Variants in ASTN1 observed in about 807,000 individuals in gnomAD.
The protein encoded by ASTN1 is astrotactin 1, also known as astrotactin-1.
ASTN1 carries 41 observed loss-of-function variants against 140.7 expected under a neutral mutation model. The ratio of observed to expected loss-of-function variants is 0.29; its 90% CI spans 0.23 to 0.38. ASTN1 has a LOEUF of 0.38. Ranked by LOEUF, ASTN1 falls within the 10% of genes least tolerant of loss-of-function variation. The pLI, the probability that ASTN1 is intolerant of heterozygous loss-of-function variation, is 1.00. For synonymous variants in ASTN1, 640 were observed against 652.2 expected, an observed-to-expected ratio of 0.98 and a Z score of 0.29; for missense variants, 1,479 against 1,678.8, an observed-to-expected ratio of 0.88 and a Z score of 2.08.
chr1:176,988,910 A>T (rs1022593757), intron 8 of ASTN1, among the ~76,000 whole-genome samples: 5 of 152,172 alleles, frequency 3.3e-5, no homozygotes, highest in African/African-American at 1.2e-4. Flanking sequence ...GGCTAAAATG[A>T]TTGATTGTAA....
Position 176,862,988 on chromosome 1 carries a change from C to A in ASTN1, c.*1296G>T. On this transcript the variant is annotated 3_prime_UTR_variant, in exon 23 of 23. Coordinates refer to ENST00000361833, the MANE Select transcript of ASTN1 (RefSeq NM_004319.3). ...ACTGAGTTGTGTGGGACAGCTAAGG[C>A]CATTGCTAGTCAACAGGGCCTTGCC... The A allele has an allele frequency of 1.0e-6, 1 of 985,440 alleles. No individual in the cohort carries two copies. Among genetic ancestry groups the A allele is most frequent in the Non-Finnish European group, 1.2e-6 (1 of 829,944 alleles). 61.0% of individuals were successfully genotyped at this position (985,440 alleles called of 1,614,324 possible). A position where few individuals can be genotyped will look rare whatever the true frequency, so the allele number is the denominator to read the frequency against.
At chr1:176,890,530 A>T (rs1319639887) in intron 17 of ASTN1, among the ~76,000 whole-genome samples, 1 of 152,208 alleles carries the variant, frequency 6.6e-6, no homozygotes. Context: ...GCTGAAACAC[A>T]GAAGCCTTGT....
chr1:177,036,965 A>G (rs1461247929), intron 2 of ASTN1, among the ~76,000 whole-genome samples: 1 of 151,938 alleles, frequency 6.6e-6, no homozygotes, highest in East Asian at 1.9e-4. Flanking sequence ...GATTACAGGC[A>G]TGCACCACCA....
In ASTN1 at chr1:177,124,665, C is replaced by A. The variant is rs577513588; in HGVS notation, c.283+39729G>T. 6.8e-4 allele frequency among the ~76,000 whole-genome samples: 104 copies of A among 152,286 alleles called. 1 individual carries two copies. The highest frequency in any genetic ancestry group is 2.4e-3 in the African/African-American group (101 of 41,564). Reference sequence around the variant, plus strand: ...AGAAAAAACACAGGAACAGAAAATTCTCTTCTTAAAAATCAGGTAGGAGAT... The same window carrying A: ...AGAAAAAACACAGGAACAGAAAATTATCTTCTTAAAAATCAGGTAGGAGAT... On this transcript the variant is annotated intron_variant, in intron 1 of 22. Coordinates refer to ENST00000361833, the MANE Select transcript of ASTN1 (RefSeq NM_004319.3).
intron 1 of ASTN1, among the ~76,000 whole-genome samples, chr1:177,143,732 T>C (rs1302166477): frequency 6.6e-6 from 1 of 152,188 alleles, no homozygotes; most frequent in Non-Finnish European, 1.5e-5. Flanking sequence ...AATCATAGGT[T>C]TCATATGCCT....
chr1:176,917,517 C>T (rs770436977), intron 16 of ASTN1, among the ~76,000 whole-genome samples: 3 of 152,110 alleles, frequency 2.0e-5, no homozygotes, highest in Admixed American at 1.3e-4. Flanking sequence ...AAGACATGCC[C>T]GGGCAGTGGG....
At chr1:177,128,349 C>G (rs894494300) in intron 1 of ASTN1, among the ~76,000 whole-genome samples, 1 of 152,036 alleles carries the variant, frequency 6.6e-6, no homozygotes. Flanking sequence ...GTTCAAAGAC[C>G]CAAATTGCAT....
Position 177,114,520 on chromosome 1 carries a change from TC to T in ASTN1, c.283+49873del, listed in dbSNP as rs141283412. ...AAGTAATGTAGAATTATACCATGTATCCTTTACCCCATTTTTCCCAATGGAA... is the reference window on the plus strand; with the variant it reads ...AAGTAATGTAGAATTATACCATGTATCTTTACCCCATTTTTCCCAATGGAA... On this transcript the variant is annotated intron_variant, in intron 1 of 22. Coordinates refer to ENST00000361833, the MANE Select transcript of ASTN1 (RefSeq NM_004319.3). Among the ~76,000 whole-genome samples, 1,266 of 152,278 alleles carry T rather than the reference TC, an allele frequency of 8.3e-3. 10 individuals are homozygous for T. Among genetic ancestry groups the T allele is most frequent in the Non-Finnish European group, 0.013 (881 of 68,032 alleles).
chr1:177,126,619 T>C (rs1377264759), intron 1 of ASTN1, among the ~76,000 whole-genome samples: 1 of 152,198 alleles, frequency 6.6e-6, no homozygotes, highest in African/African-American at 2.4e-5. Flanking sequence ...GGGATACCTC[T>C]GTCCAAAGAT....
intron 1 of ASTN1, among the ~76,000 whole-genome samples, chr1:177,132,324 A>G (rs372954070): frequency 9.2e-5 from 14 of 152,186 alleles, no homozygotes; most frequent in African/African-American, 2.7e-4. Flanking sequence ...ACCAGTTACT[A>G]TCTTCAATTT....
At chr1:176,920,925 C>T (rs1429064921) in intron 16 of ASTN1, among the ~76,000 whole-genome samples, 2 of 152,166 alleles carry the variant, frequency 1.3e-5, no homozygotes, top group African/African-American at 2.4e-5. Flanking sequence ...GCCTATGTAC[C>T]AGTGACTCTG....
chr1:176,904,376 C>T (rs1041322228), intron 16 of ASTN1, among the ~76,000 whole-genome samples: 3 of 152,168 alleles, frequency 2.0e-5, no homozygotes, highest in Non-Finnish European at 4.4e-5. Context: ...CAAAATAAAC[C>T]TGACATAGAG....
chr1:177,159,036 C>T (rs1164291346), intron 1 of ASTN1, among the ~76,000 whole-genome samples: 1 of 136,572 alleles, frequency 7.3e-6, no homozygotes, highest in Non-Finnish European at 1.5e-5. Context: ...CACTGCACTC[C>T]AGCCTGGGCA....
chr1:176,882,974 C>G lies in ASTN1; in HGVS notation c.3247G>C (p.Asp1083His), dbSNP rs1354171312. 2 of 1,614,098 alleles carry G rather than the reference C, an allele frequency of 1.2e-6. No homozygotes were observed. Among genetic ancestry groups the G allele is most frequent in the Admixed American group, 1.7e-5 (1 of 60,020 alleles). Residue 1083 changes from aspartate to histidine, a missense_variant, in exon 20 of 23, where the codon GAC becomes CAC. Coordinates refer to ENST00000361833, the MANE Select transcript of ASTN1 (RefSeq NM_004319.3). ...GACTTTGCTCCAGAGATGATGTCGTCCACAAAGCTCAGCACTGTTTCTGCC... is the reference window on the plus strand; with the variant it reads ...GACTTTGCTCCAGAGATGATGTCGTGCACAAAGCTCAGCACTGTTTCTGCC... ...VETETVLSFV[D>H]DIISGAKSPC...
At chr1:177,023,663 T>C in intron 6 of ASTN1, 92 bp from the exon 7 acceptor site, 2 of 1,322,666 alleles carry the variant, frequency 1.5e-6, no homozygotes, top group South Asian at 3.2e-5. Flanking sequence ...ACCTGAGAAT[T>C]AGTACCAATC....
rs746100250 is a variant in ASTN1, at chr1:176,936,319, T to A, written c.2429A>T (p.Lys810Met). The change falls in exon 15 of 23, where the codon AAG (lysine) becomes ATG (methionine). Residue 810 changes from lysine (K) to methionine (M), a missense_variant. By Grantham distance (95) the Lys-to-Met change is moderately conservative (BLOSUM62 -1). Around this residue, in one of 3 missense-constraint regions of ASTN1, gnomAD observed 746 missense variants for 800.9 expected, o/e 0.93. Transcript: ENST00000361833. ...VSGYPVLQHW[K>M]VRSVMYHIKL... ...GATGTGGTACATCACAGACCGGACCTTCCAGTGCTGCAGCACAGGGTACCC... is the reference window on the plus strand; with the variant it reads ...GATGTGGTACATCACAGACCGGACCATCCAGTGCTGCAGCACAGGGTACCC... 6.2e-7 allele frequency: 1 copy of A among 1,613,780 alleles called. No individual in the cohort carries two copies. Among genetic ancestry groups the A allele is most frequent in the African/African-American group, 1.3e-5 (1 of 74,928 alleles).
chr1:176,867,616 T>C (rs1272998432), intron 22 of ASTN1, among the ~76,000 whole-genome samples: 1 of 152,222 alleles, frequency 6.6e-6, no homozygotes, highest in African/African-American at 2.4e-5. Flanking sequence ...AAACAGGAAA[T>C]TATTTATGGA....
intron 1 of ASTN1, among the ~76,000 whole-genome samples, chr1:177,160,488 T>C (rs552776080): frequency 1.3e-5 from 2 of 152,338 alleles, no homozygotes; most frequent in South Asian, 2.1e-4. Flanking sequence ...AAGAGAAACA[T>C]CTTTCTTCAC....
intron 16 of ASTN1, among the ~76,000 whole-genome samples, chr1:176,909,310 G>A (rs1670130716): frequency 6.6e-6 from 1 of 152,226 alleles, no homozygotes; most frequent in Non-Finnish European, 1.5e-5. Flanking sequence ...TGATGCATGA[G>A]ATCTATCAGA....
Sources: allele counts gnomAD v4.1 joint callset (sites outside exome capture counted in the v4.1 genomes callset), GRCh38; gene constraint gnomAD v4.1.1; regional missense constraint gnomAD v4.1.1; transcripts MANE v1.5; gene names NCBI Gene and HGNC (gene_info 2026-07-23, HGNC 2026-07-21).